FLRT2: variants seen among roughly 807,000 people sequenced by gnomAD.
FLRT2 encodes leucine-rich repeat transmembrane protein FLRT2.
A neutral mutation model predicts 40.0 loss-of-function variants in FLRT2; 15 were observed. The ratio of observed to expected loss-of-function variants is 0.38; its 90% CI spans 0.25 to 0.58. The LOEUF is 0.58. FLRT2 is among the 20% of genes least tolerant of loss of function. The pLI is 0.71. For synonymous variants in FLRT2, 380 were observed against 336.8 expected (o/e 1.13, Z -1.41); for missense variants, 726 against 840.0 (o/e 0.86, Z 1.68).
chr14:85,618,558 C>CCAAGTGT (rs1484257478), intron 1 of FLRT2, among the ~76,000 whole-genome samples: 2 of 152,044 alleles, frequency 1.3e-5, no homozygotes, highest in Admixed American at 1.3e-4. Context: ...TCTGTTAAGG[C>CCAAGTGT]CAAGTGTCGT....
In FLRT2 at chr14:85,532,435, C is replaced by CT. The variant is rs571001695; in HGVS notation, c.-377+1908dup. Among the ~76,000 whole-genome samples the CT allele has an allele frequency of 5.8e-3, 884 of 152,286 alleles. 7 individuals carry two copies. Among genetic ancestry groups the CT allele is most frequent in the African/African-American group, 0.02 (844 of 41,542 alleles). ...TTCCTAAATAGAGACGTGCACCTAG[C>CT]TTTTTTTACTTGTTTGTTTGTTTTT... On this transcript the variant is annotated intron_variant, in intron 1 of 1. Coordinates refer to ENST00000330753, the MANE Select transcript of FLRT2 (RefSeq NM_013231.6).
chr14:85,532,328 A>C lies in FLRT2; in HGVS notation c.-377+1794A>C, dbSNP rs139797610. 1.3e-3 allele frequency among the ~76,000 whole-genome samples: 194 copies of C among 152,298 alleles called. 2 individuals carry two copies. The highest frequency in any genetic ancestry group is 6.8e-3 in the Middle Eastern group (2 of 294). ...TTCTGTTCAGATTCAGCCTCACCGGACTTGTTACAACATGACAGCAACTTA... is the reference window on the plus strand; with the variant it reads ...TTCTGTTCAGATTCAGCCTCACCGGCCTTGTTACAACATGACAGCAACTTA... On this transcript the variant is annotated intron_variant, in intron 1 of 1. Transcript: ENST00000330753.
chr14:85,586,195 A>G (rs979238133), intron 1 of FLRT2, among the ~76,000 whole-genome samples: 1 of 150,752 alleles, frequency 6.6e-6, no homozygotes, highest in African/African-American at 2.4e-5. Context: ...TAACAACTCC[A>G]TGATTTTATC....
chr14:85,592,663 C>G (rs1357816868), intron 1 of FLRT2, among the ~76,000 whole-genome samples: 1 of 131,996 alleles, frequency 7.6e-6, no homozygotes, highest in Non-Finnish European at 1.6e-5. Context: ...AGGTTGGGCA[C>G]CTGTAATCCC....
chr14:85,562,957 G>A (rs1436870871), intron 1 of FLRT2: 1 of 152,094 alleles, frequency 6.6e-6, no homozygotes, highest in Non-Finnish European at 1.5e-5. Flanking sequence ...CTGAGAAGCA[G>A]GATGTACCAG....
At chr14:85,575,238 TG>T (rs1566735801) in intron 1 of FLRT2, among the ~76,000 whole-genome samples, 1 of 152,132 alleles carries the variant, frequency 6.6e-6, no homozygotes, top group Non-Finnish European at 1.5e-5. Context: ...CTGGGTGCTT[TG>T]GGGTGGAATG....
At chr14:85,576,394 A>G (rs1403105062) in intron 1 of FLRT2, among the ~76,000 whole-genome samples, 1 of 152,200 alleles carries the variant, frequency 6.6e-6, no homozygotes, top group African/African-American at 2.4e-5. Flanking sequence ...TAATTTGTCC[A>G]AAAGTATTTG....
At position 85,622,117 on chromosome 14, in the gene FLRT2, G is replaced by C; in HGVS notation, c.603G>C (p.Gln201His). The change falls in exon 2 of 2, where the codon CAG becomes CAC. Residue 201 changes from glutamine (Q) to histidine (H), a missense_variant. Transcript: ENST00000330753. ...CTGTCATATCCGACATGGCCTTCCAGAATCTCACGAGCTTGGAGCGTCTTA... is the reference window on the plus strand; with the variant it reads ...CTGTCATATCCGACATGGCCTTCCACAATCTCACGAGCTTGGAGCGTCTTA... ...RIAVISDMAF[Q>H]NLTSLERLIV... The C allele has an allele frequency of 6.2e-7, 1 of 1,614,160 alleles. No individual in the cohort carries two copies.
At chr14:85,547,454 G>T (rs188636456) in intron 1 of FLRT2, among the ~76,000 whole-genome samples, 3 of 151,802 alleles carry the variant, frequency 2.0e-5, no homozygotes, top group East Asian at 3.9e-4. Flanking sequence ...TTCCCGAGTA[G>T]CTGGGATTAC....
At chr14:85,552,045 C>A (rs1889659267) in intron 1 of FLRT2, among the ~76,000 whole-genome samples, 1 of 152,106 alleles carries the variant, frequency 6.6e-6, no homozygotes, top group Non-Finnish European at 1.5e-5. Context: ...GGGGGATACT[C>A]AAAATATCAA....
chr14:85,630,891 G>T lies in FLRT2; in HGVS notation c.*7394G>T, dbSNP rs2139384679. On this transcript the variant is annotated 3_prime_UTR_variant, in exon 2 of 2. Transcript: ENST00000330753. Reference sequence around the variant, plus strand: ...TCTAATTTAGCCTTTCCAACACATTGAAGGACAAAGGGTAATCATAATCTA... The same window carrying T: ...TCTAATTTAGCCTTTCCAACACATTTAAGGACAAAGGGTAATCATAATCTA... The T allele has an allele frequency of 6.6e-6, 1 of 151,880 alleles. No individual in the cohort carries two copies. The highest frequency in any genetic ancestry group is 2.1e-4 in the South Asian group (1 of 4,800). The allele number at this position is 151,880 out of a possible 1,614,324, so 9.4% of individuals were successfully genotyped here.
chr14:85,535,788 A>G (rs892647542), intron 1 of FLRT2, among the ~76,000 whole-genome samples: 1 of 151,498 alleles, frequency 6.6e-6, no homozygotes, highest in African/African-American at 2.4e-5. Context: ...AATTTCAAAC[A>G]TTATTCCATG....
Position 85,557,824 on chromosome 14 carries a change from A to AATTAATTAATT in FLRT2, c.-377+27291_-377+27292insTTAATTAATTA, listed in dbSNP as rs1555365938. Among the ~76,000 whole-genome samples, 3 of 150,244 alleles carry AATTAATTAATT rather than the reference A, an allele frequency of 2.0e-5. No individual in the cohort carries two copies. In the East Asian group the frequency reaches 5.9e-4, roughly 30 times the overall value. ...AGAGTAAAACTCCATTTCAATAAAT[A>AATTAATTAATT]AATAAATTAATTAATTAATTAATTA... On this transcript the variant is annotated intron_variant, in intron 1 of 1. Coordinates refer to ENST00000330753, the MANE Select transcript of FLRT2 (RefSeq NM_013231.6).
At chr14:85,619,228 C>T (rs1595092836) in intron 1 of FLRT2, among the ~76,000 whole-genome samples, 1 of 151,872 alleles carries the variant, frequency 6.6e-6, no homozygotes, top group African/African-American at 2.4e-5. Flanking sequence ...AGACTACAGG[C>T]TCATACCACC....
At chr14:85,605,777 T>C in intron 1 of FLRT2, among the ~76,000 whole-genome samples, 1 of 152,040 alleles carries the variant, frequency 6.6e-6, no homozygotes, top group East Asian at 1.9e-4. Context: ...AAAATAAAAA[T>C]AAATAAATAA....
intron 1 of FLRT2, among the ~76,000 whole-genome samples, chr14:85,595,188 A>G (rs1892079559): frequency 6.6e-6 from 1 of 152,110 alleles, no homozygotes; most frequent in South Asian, 2.1e-4. Flanking sequence ...GTGGACCTGC[A>G]TGGTTCAAAC....
chr14:85,547,919 G>T (rs1889376441), intron 1 of FLRT2, among the ~76,000 whole-genome samples: 1 of 152,202 alleles, frequency 6.6e-6, no homozygotes, highest in African/African-American at 2.4e-5. Context: ...GTAGATGAGA[G>T]GAAAATAGTT....
chr14:85,609,736 C>A (rs1231485728), intron 1 of FLRT2, among the ~76,000 whole-genome samples: 1 of 152,170 alleles, frequency 6.6e-6, no homozygotes, highest in Non-Finnish European at 1.5e-5. Flanking sequence ...GGGGAGCAGC[C>A]CCGCACCTCT....
chr14:85,560,582 A>AAAAT (rs1442521835), intron 1 of FLRT2, among the ~76,000 whole-genome samples: 4 of 152,046 alleles, frequency 2.6e-5, no homozygotes, highest in East Asian at 3.9e-4. Context: ...CTCCATCTCA[A>AAAAT]AAATAAATAA....
Sources: allele counts gnomAD v4.1 joint callset (sites outside exome capture counted in the v4.1 genomes callset), GRCh38; gene constraint gnomAD v4.1.1; transcripts MANE v1.5; gene names NCBI Gene and HGNC (gene_info 2026-07-23, HGNC 2026-07-21).